Variants in QKI observed in about 807,000 individuals in gnomAD.
QKI encodes the protein KH domain-containing RNA-binding protein QKI.
Under a neutral mutation model 39.0 loss-of-function variants are expected in QKI, and 10 were observed. The ratio of observed to expected loss-of-function variants is 0.26; its 90% CI spans 0.16 to 0.43. QKI has a LOEUF of 0.43. Among genes scored for constraint, QKI ranks in the 20% least tolerant of loss-of-function variants. The pLI, the probability that QKI is intolerant of heterozygous loss-of-function variation, is 1.00. For missense variants in QKI, 218 were observed against 428.0 expected (o/e 0.51, Z 4.33); for synonymous variants, 204 against 155.4 (o/e 1.31, Z -2.33).
intron 1 of QKI, among the ~76,000 whole-genome samples, chr6:163,417,543 C>T (rs1308282077): frequency 6.6e-6 from 1 of 152,066 alleles, no homozygotes; most frequent in Non-Finnish European, 1.5e-5. Flanking sequence ...AGTTTCCAAC[C>T]TTAGGCTTTA....
intron 7 of QKI, chr6:163,569,749 TG>T: frequency 2.0e-6 from 2 of 991,034 alleles, no homozygotes; most frequent in Non-Finnish European, 2.4e-6. Flanking sequence ...GGAATGTATA[TG>T]AAATGTCAGA....
intron 3 of QKI, among the ~76,000 whole-genome samples, chr6:163,515,677 G>A (rs1779747268): frequency 1.3e-5 from 2 of 152,024 alleles, no homozygotes; most frequent in African/African-American, 4.8e-5. Flanking sequence ...ACAACAAAAG[G>A]GAAACTTACA....
At chr6:163,514,944 C>G (rs192233332) in intron 3 of QKI, among the ~76,000 whole-genome samples, 1 of 152,014 alleles carries the variant, frequency 6.6e-6, no homozygotes, top group Non-Finnish European at 1.5e-5. Context: ...ACACCATACC[C>G]CATTTAAAAG....
intron 3 of QKI, among the ~76,000 whole-genome samples, chr6:163,479,969 A>C (rs73244775): frequency 0.02 from 3,091 of 152,226 alleles, 104 homozygotes; most frequent in African/African-American, 0.071. Context: ...TTTCATCAAC[A>C]TTTTGTGTTG....
chr6:163,542,593 ATGT>A, intron 4 of QKI, among the ~76,000 whole-genome samples: 1 of 152,214 alleles, frequency 6.6e-6, no homozygotes, highest in South Asian at 2.1e-4. Context: ...AAGTTCATTG[ATGT>A]TGTCTCATAA....
intron 6 of QKI, chr6:163,565,022 CTGTG>C: frequency 8.3e-6 from 10 of 1,201,180 alleles, no homozygotes; most frequent in Non-Finnish European, 1.0e-5. Flanking sequence ...TGTATGTTAT[CTGTG>C]TGTGTGCATG....
intron 3 of QKI, among the ~76,000 whole-genome samples, chr6:163,520,453 A>G (rs1462670386): frequency 6.6e-6 from 1 of 152,162 alleles, no homozygotes; most frequent in Non-Finnish European, 1.5e-5. Flanking sequence ...GAAATTATAA[A>G]TGTCGGTTGC....
rs900027960 is a variant in QKI at position 163,494,916 on chromosome 6, T to C, written c.402+16020T>C. ...ATAAGGTGTCTTTTTTTATTATTTA[T>C]TTATTTATTTTTTTTTTGAGACAGA... On this transcript the variant is annotated intron_variant, in intron 3 of 7. Coordinates refer to ENST00000361752, the MANE Select transcript of QKI (RefSeq NM_006775.3). Among the ~76,000 whole-genome samples, 3 of 146,328 alleles carry C rather than the reference T, an allele frequency of 2.1e-5. No homozygotes were observed. The East Asian group carries it at 5.8e-4, about 28-fold the overall frequency.
At chr6:163,512,378 A>G (rs1779536766) in intron 3 of QKI, among the ~76,000 whole-genome samples, 1 of 152,060 alleles carries the variant, frequency 6.6e-6, no homozygotes, top group Non-Finnish European at 1.5e-5. Flanking sequence ...ACAGAATGGA[A>G]AAGAAGAAGA....
At chr6:163,568,851 G>T (rs1256700454) in intron 7 of QKI, 1 of 985,642 alleles carries the variant, frequency 1.0e-6, no homozygotes, top group Non-Finnish European at 1.2e-6. Flanking sequence ...TGACCTTTTA[G>T]TTGTAATGAA....
intron 1 of QKI, among the ~76,000 whole-genome samples, 183 bp downstream of exon 1, chr6:163,415,518 G>A (rs2128205351): frequency 6.6e-6 from 1 of 150,492 alleles, no homozygotes; most frequent in Admixed American, 6.6e-5. Flanking sequence ...CGGGCGGGCC[G>A]GGGTGGACCC....
At chr6:163,462,804 A>G (rs905454701) in intron 2 of QKI, among the ~76,000 whole-genome samples, 1 of 152,178 alleles carries the variant, frequency 6.6e-6, no homozygotes, top group African/African-American at 2.4e-5. Context: ...GTATGGAATA[A>G]TGAGAGCTTG....
chr6:163,437,873 A>G (rs1789439090), intron 1 of QKI, among the ~76,000 whole-genome samples: 1 of 146,546 alleles, frequency 6.8e-6, no homozygotes, highest in Non-Finnish European at 1.6e-5. Flanking sequence ...ACTCCGGAAA[A>G]GTGGTTAAGC....
intron 3 of QKI, among the ~76,000 whole-genome samples, chr6:163,505,965 G>C (rs1273018577): frequency 6.6e-6 from 1 of 152,088 alleles, no homozygotes; most frequent in Non-Finnish European, 1.5e-5. Context: ...GGAGGTGATT[G>C]GATCATAGGG....
At chr6:163,566,407 C>T (rs1783365074) in intron 6 of QKI, 1 of 1,230,862 alleles carries the variant, frequency 8.1e-7, no homozygotes, top group African/African-American at 1.6e-5. Context: ...AAAGGCACTT[C>T]AGTGAATATG....
intron 1 of QKI, among the ~76,000 whole-genome samples, chr6:163,428,175 G>A (rs974363635): frequency 6.6e-6 from 1 of 152,190 alleles, no homozygotes; most frequent in African/African-American, 2.4e-5. Flanking sequence ...ATTGGCATGT[G>A]AAAAAGTTGT....
chr6:163,528,879 C>T (rs1780675511), intron 3 of QKI, among the ~76,000 whole-genome samples: 1 of 152,122 alleles, frequency 6.6e-6, no homozygotes, highest in African/African-American at 2.4e-5. Flanking sequence ...TGGTTTTGAG[C>T]TCTGAACATA....
intron 4 of QKI, among the ~76,000 whole-genome samples, chr6:163,558,357 A>G (rs1360811945): frequency 6.6e-6 from 1 of 152,000 alleles, no homozygotes; most frequent in African/African-American, 2.4e-5. Flanking sequence ...TCGATGTGAA[A>G]GTAATTCTAT....
At chr6:163,482,317 T>C (rs573372615) in intron 3 of QKI, among the ~76,000 whole-genome samples, 1 of 152,338 alleles carries the variant, frequency 6.6e-6, no homozygotes, top group East Asian at 1.9e-4. Flanking sequence ...TTAGAAACTT[T>C]GACTACCATT....
Sources: allele counts gnomAD v4.1 joint callset (sites outside exome capture counted in the v4.1 genomes callset), GRCh38; gene constraint gnomAD v4.1.1; transcripts MANE v1.5; gene names NCBI Gene and HGNC (gene_info 2026-07-23, HGNC 2026-07-21).